STAU1: variants seen among roughly 807,000 people sequenced by gnomAD.
STAU1 encodes the protein double-stranded RNA-binding protein Staufen homolog 1.
STAU1 carries 13 observed loss-of-function variants against 62.9 expected under a neutral mutation model. That is an observed-to-expected ratio of 0.21 (90% CI 0.13 to 0.33). The LOEUF (loss-of-function observed/expected upper bound fraction) is 0.33. Among genes scored for constraint, STAU1 ranks in the 10% least tolerant of loss-of-function variants. STAU1 has a pLI of 1.00. For synonymous variants in STAU1, 269 were observed against 265.1 expected, an observed-to-expected ratio of 1.01 and a Z score of -0.14; for missense variants, 571 against 712.1, an observed-to-expected ratio of 0.80 and a Z score of 2.25.
chr20:49,175,385 G>C (rs1474527583), intron 1 of STAU1, among the ~76,000 whole-genome samples: 3 of 151,842 alleles, frequency 2.0e-5, no homozygotes, highest in Non-Finnish European at 2.9e-5. Context: ...ATTTTGCAGA[G>C]ACACATTTAT....
At chr20:49,201,874 G>A in the STAU1 span, among the ~76,000 whole-genome samples, 216 of 152,084 alleles carry the variant, frequency 1.4e-3, no homozygotes, top group Non-Finnish European at 2.5e-3. Context: ...AGCATTAAAT[G>A]TTTATATTAG....
At chr20:49,141,020 T>C (rs904163363) in intron 5 of STAU1, among the ~76,000 whole-genome samples, 18 of 150,820 alleles carry the variant, frequency 1.2e-4, no homozygotes, top group Non-Finnish European at 2.2e-4. Context: ...CTAAGAACTG[T>C]GCCAATGAGA....
In STAU1 at chr20:49,117,375, A is replaced by G; in HGVS notation, c.1510-127T>C. 1 of 1,198,652 alleles carries G rather than the reference A, an allele frequency of 8.3e-7. No homozygotes were observed. Among genetic ancestry groups the G allele is most frequent in the South Asian group, 1.4e-5 (1 of 69,736 alleles). 74.3% of individuals were successfully genotyped at this position (1,198,652 alleles called of 1,614,324 possible). The stretch of plus-strand genomic sequence containing the variant: ...TTTCCAACTCAGCCCCACTGTGGCC[A>G]TACTAACACCTGCCCTGTCAGCCCA... On this transcript the variant is annotated intron_variant, in intron 11 of 13. Transcript: ENST00000371856. This position sits in a 1 kb window ranked among gnomAD's most constrained non-coding sequence, Gnocchi z 4.6.
chr20:49,212,760 C>T, the STAU1 span, among the ~76,000 whole-genome samples: 2 of 151,662 alleles, frequency 1.3e-5, no homozygotes, highest in Admixed American at 6.6e-5. Context: ...CCATGTCTGG[C>T]TAATTTTTTG....
the STAU1 span, among the ~76,000 whole-genome samples, chr20:49,218,601 G>C: frequency 6.6e-6 from 1 of 151,748 alleles, no homozygotes; most frequent in Non-Finnish European, 1.5e-5. Context: ...ATGTTGCCCA[G>C]GGTTGTCTGG....
chr20:49,122,242 T>C (rs578126513), intron 8 of STAU1, among the ~76,000 whole-genome samples: 24 of 152,300 alleles, frequency 1.6e-4, no homozygotes, highest in African/African-American at 5.3e-4. Flanking sequence ...AAATGTTCCA[T>C]ACTAATCTGA....
chr20:49,212,615 A>ATT, the STAU1 span, among the ~76,000 whole-genome samples: 1 of 85,176 alleles, frequency 1.2e-5, no homozygotes, highest in African/African-American at 4.7e-5. Flanking sequence ...AGCTATTGGA[A>ATT]TTTTTTTTTT....
chr20:49,124,698 G>A, intron 6 of STAU1, 111 bp from the exon 7 acceptor site: 1 of 1,075,324 alleles, frequency 9.3e-7, no homozygotes, highest in Non-Finnish European at 1.4e-6. Context: ...CCAAGGACAA[G>A]ACCTACTAAA....
chr20:49,191,564 G>A (rs117741783), upstream of STAU1, among the ~76,000 whole-genome samples: 222 of 152,110 alleles, frequency 1.5e-3, no homozygotes, highest in Middle Eastern at 0.01. Flanking sequence ...TTATCTCTGC[G>A]CAAGTCCCTA....
the STAU1 span, among the ~76,000 whole-genome samples, chr20:49,195,762 G>C: frequency 6.6e-6 from 1 of 150,452 alleles, no homozygotes; most frequent in African/African-American, 2.4e-5. Context: ...AATTAGCCAG[G>C]CATGGTGGCA....
chr20:49,209,823 C>T, the STAU1 span, among the ~76,000 whole-genome samples: 20 of 151,976 alleles, frequency 1.3e-4, no homozygotes, highest in African/African-American at 3.4e-4. Flanking sequence ...CCGAGGCAGG[C>T]GGATCACGAG....
chr20:49,131,838 G>A (rs6063360), intron 6 of STAU1, among the ~76,000 whole-genome samples: 56,700 of 146,636 alleles, frequency 0.39, 10,884 homozygotes, highest in Middle Eastern at 0.49. Flanking sequence ...GTTAGGCTCC[G>A]TCACAAAAAA....
In STAU1 at chr20:49,188,192, A is replaced by G. The variant is rs2093815725; in HGVS notation, c.-236T>C. The G allele has an allele frequency of 6.6e-6, 1 of 151,692 alleles. No individual in the cohort carries two copies. Among genetic ancestry groups the G allele is most frequent in the Admixed American group, 6.6e-5 (1 of 15,224 alleles). The allele number at this position is 151,692 out of a possible 1,614,324, so 9.4% of individuals were successfully genotyped here. A position where few individuals can be genotyped will look rare whatever the true frequency, so the allele number is the denominator to read the frequency against. ...GCGAGGAGGGGAAGGAAGAAGGAAA[A>G]AAGGGAGAGGAAGAAGGGACGAAGG... On this transcript the variant is annotated 5_prime_UTR_variant, in exon 1 of 14. Coordinates refer to ENST00000371856, the MANE Select transcript of STAU1 (RefSeq NM_017453.4).
chr20:49,121,989 G>A (rs139373082), intron 8 of STAU1, among the ~76,000 whole-genome samples: 141 of 152,260 alleles, frequency 9.3e-4, no homozygotes, highest in African/African-American at 3.3e-3. Flanking sequence ...TTCATCTTGG[G>A]CAAACTACTG....
At position 49,125,461 on chromosome 20, in the gene STAU1, C is replaced by T. The variant is rs145845057; in HGVS notation, c.610-874G>A. Among the ~76,000 whole-genome samples, 231 of 142,638 alleles carry T rather than the reference C, an allele frequency of 1.6e-3. 1 individual carries two copies. Among genetic ancestry groups the T allele is most frequent in the Middle Eastern group, 0.016 (4 of 248 alleles). The allele number at this position is 142,638 out of a possible 152,430, so 93.6% of individuals were successfully genotyped here. ...ACAAAAACCCCTTGAACCTGAGAGA[C>T]GGAGGTTGCAGTGATCCAAGATCAC... is the stretch of plus-strand genomic sequence containing the variant. On this transcript the variant is annotated intron_variant, in intron 6 of 13. Coordinates refer to ENST00000371856, the MANE Select transcript of STAU1 (RefSeq NM_017453.4).
chr20:49,206,289 C>T, the STAU1 span, among the ~76,000 whole-genome samples: 8 of 151,532 alleles, frequency 5.3e-5, no homozygotes, highest in East Asian at 3.9e-4. Context: ...CCACCGCACC[C>T]GGCCAAAATT....
At chr20:49,124,296 G>T (rs1266524310) in intron 7 of STAU1, 79 bp downstream of exon 7, 3 of 1,472,258 alleles carry the variant, frequency 2.0e-6, no homozygotes, top group Non-Finnish European at 2.8e-6. Flanking sequence ...TTTCACCTTG[G>T]GGACAGCGAC....
chr20:49,160,700 CA>C (rs1267033076), intron 3 of STAU1, among the ~76,000 whole-genome samples: 1 of 152,132 alleles, frequency 6.6e-6, no homozygotes, highest in Non-Finnish European at 1.5e-5. Flanking sequence ...AGGGGAATGA[CA>C]AGGATAACTG....
At chr20:49,144,379 A>T (rs1207998213) in intron 5 of STAU1, among the ~76,000 whole-genome samples, 1 of 152,144 alleles carries the variant, frequency 6.6e-6, no homozygotes, top group East Asian at 1.9e-4. Flanking sequence ...ACTAGATGAG[A>T]ATATACCACA....
Sources: gnomAD v4.1 joint callset for allele counts (sites outside exome capture counted in the v4.1 genomes callset) on GRCh38, gnomAD v4.1.1 for gene constraint, Gnocchi (gnomAD v3.1) non-coding constraint, MANE v1.5 for transcripts, NCBI Gene and HGNC (gene_info 2026-07-23, HGNC 2026-07-21) for gene names.